Variants in TMEM132D observed in about 807,000 individuals in gnomAD.
TMEM132D encodes transmembrane protein 132D, also known as mature OL transmembrane protein.
A neutral mutation model predicts 62.3 loss-of-function variants in TMEM132D; 21 were observed. The ratio of observed to expected loss-of-function variants is 0.34; its 90% CI spans 0.24 to 0.49. The LOEUF (loss-of-function observed/expected upper bound fraction) is 0.49. Ranked by LOEUF, TMEM132D falls within the 20% of genes least tolerant of loss-of-function variation. The pLI, the probability that TMEM132D is intolerant of heterozygous loss-of-function variation, is 0.99. For synonymous variants in TMEM132D, 621 were observed against 575.6 expected, an observed-to-expected ratio of 1.08 and a Z score of -1.13; for missense variants, 1,346 against 1,402.8, an observed-to-expected ratio of 0.96 and a Z score of 0.65.
Position 129,595,777 on chromosome 12 carries a change from G to A in TMEM132D, c.969-64572C>T, listed in dbSNP as rs922817386. Among the ~76,000 whole-genome samples, 12 of 152,214 alleles carry A rather than the reference G, an allele frequency of 7.9e-5. 1 individual carries two copies. In the South Asian group the frequency reaches 8.3e-4, roughly 11 times the overall value. The stretch of plus-strand genomic sequence containing the variant: ...AGCTGACCGACTGCAGATATGGGAC[G>A]GAGCCCAGGCAGGGCCAGAAGAGCC... On this transcript the variant is annotated intron_variant, in intron 2 of 8. Transcript: ENST00000422113.
chr12:129,482,478 T>C (rs1295124917), intron 3 of TMEM132D, among the ~76,000 whole-genome samples: 2 of 152,190 alleles, frequency 1.3e-5, no homozygotes, highest in African/African-American at 4.8e-5. Context: ...GGAAAATAAA[T>C]GTTTGTAGAA....
In TMEM132D at chr12:129,827,028, T is replaced by C. The variant is rs1343571450; in HGVS notation, c.79+76233A>G. 6.6e-6 allele frequency among the ~76,000 whole-genome samples: 1 copy of C among 152,206 alleles called. No individual in the cohort carries two copies. The highest frequency in any genetic ancestry group is 1.5e-5 in the Non-Finnish European group (1 of 68,026). ...CTGTGCTAATAACTATTCTAAAAAT[T>C]ACACCATAATGAAATATGCAAAATA... On this transcript the variant is annotated intron_variant, in intron 1 of 8. Coordinates refer to ENST00000422113, the MANE Select transcript of TMEM132D (RefSeq NM_133448.3). This position sits in a 1 kb window ranked among gnomAD's most constrained non-coding sequence, Gnocchi z 9.7.
At chr12:129,893,121 T>TGCCTC (rs1271730420) in intron 1 of TMEM132D, among the ~76,000 whole-genome samples, 3 of 152,096 alleles carry the variant, frequency 2.0e-5, no homozygotes, top group Non-Finnish European at 4.4e-5. Context: ...GTGATCCGCC[T>TGCCTC]GCCTCGGCCT....
chr12:129,727,962 G>A (rs965413380), intron 1 of TMEM132D, among the ~76,000 whole-genome samples: 12 of 152,166 alleles, frequency 7.9e-5, no homozygotes, highest in African/African-American at 2.7e-4. Context: ...TTTCAATCAG[G>A]AAATTACGTT....
chr12:129,248,272 T>C (rs971153029), intron 4 of TMEM132D, among the ~76,000 whole-genome samples: 3 of 152,312 alleles, frequency 2.0e-5, no homozygotes, highest in South Asian at 4.1e-4. Context: ...GATAATAAAC[T>C]CAATATGATC....
chr12:129,221,614 G>C (rs57227338), intron 4 of TMEM132D, among the ~76,000 whole-genome samples: 7,229 of 152,214 alleles, frequency 0.047, 428 homozygotes, highest in East Asian at 0.19. Context: ...TCCAGCCTAA[G>C]TTAGTATGAA....
intron 5 of TMEM132D, among the ~76,000 whole-genome samples, chr12:129,146,952 G>A (rs1876917385): frequency 6.6e-6 from 1 of 152,036 alleles, no homozygotes; most frequent in Admixed American, 6.6e-5. Context: ...GTGAACGCGT[G>A]GGCATTGCAA....
chr12:129,725,125 G>A (rs1054567609), intron 1 of TMEM132D, among the ~76,000 whole-genome samples: 5 of 152,178 alleles, frequency 3.3e-5, no homozygotes, highest in African/African-American at 1.2e-4. Flanking sequence ...GTCCCTGAAT[G>A]TTTCTGTGGA....
intron 4 of TMEM132D, among the ~76,000 whole-genome samples, chr12:129,266,828 C>T (rs1413910688): frequency 6.6e-6 from 1 of 152,154 alleles, no homozygotes; most frequent in Admixed American, 6.5e-5. Flanking sequence ...TCTGTCTCTG[C>T]TATCACCACC....
intron 5 of TMEM132D, among the ~76,000 whole-genome samples, chr12:129,207,300 G>A (rs548557522): frequency 9.9e-5 from 15 of 152,054 alleles, no homozygotes; most frequent in South Asian, 2.1e-4. Flanking sequence ...ACAGTCAGAC[G>A]ATGAATACAG....
chr12:129,521,075 G>C (rs956323549), intron 3 of TMEM132D, among the ~76,000 whole-genome samples: 3 of 152,186 alleles, frequency 2.0e-5, no homozygotes, highest in Non-Finnish European at 4.4e-5. Flanking sequence ...CCCAGTTGAT[G>C]TCTCTTGTAG....
At chr12:129,503,040 T>C (rs182182664) in intron 3 of TMEM132D, among the ~76,000 whole-genome samples, 222 of 152,312 alleles carry the variant, frequency 1.5e-3, no homozygotes, top group Non-Finnish European at 2.4e-3. Context: ...AGGTGTCCAA[T>C]AAATATTTAA....
At chr12:129,458,050 T>C (rs980169635) in intron 3 of TMEM132D, among the ~76,000 whole-genome samples, 2 of 152,184 alleles carry the variant, frequency 1.3e-5, no homozygotes, top group South Asian at 4.1e-4. Flanking sequence ...CCAGCTCTGA[T>C]GAGCCTCTGA....
At chr12:129,624,521 C>A (rs1186960481) in intron 2 of TMEM132D, among the ~76,000 whole-genome samples, 1 of 152,232 alleles carries the variant, frequency 6.6e-6, no homozygotes, top group Non-Finnish European at 1.5e-5. Context: ...CAGAGCTCAG[C>A]TGGACCAGCA....
At chr12:129,408,453 T>A (rs1452449960) in intron 3 of TMEM132D, among the ~76,000 whole-genome samples, 1 of 151,602 alleles carries the variant, frequency 6.6e-6, no homozygotes, top group Non-Finnish European at 1.5e-5. Flanking sequence ...TTTTTTTTTT[T>A]ATCATTTCAG....
intron 4 of TMEM132D, among the ~76,000 whole-genome samples, chr12:129,244,385 C>CA (rs751155633): frequency 1.3e-3 from 109 of 85,182 alleles, no homozygotes; most frequent in East Asian, 2.2e-3. Flanking sequence ...GACTCTGTCT[C>CA]AAAAAAAAAA....
At chr12:129,801,004 T>C (rs1871757680) in intron 1 of TMEM132D, among the ~76,000 whole-genome samples, 1 of 151,246 alleles carries the variant, frequency 6.6e-6, no homozygotes, top group Non-Finnish European at 1.5e-5. Flanking sequence ...TGCGCTTTTC[T>C]GACGGGCTTA....
At chr12:129,410,331 T>C (rs4623972) in intron 3 of TMEM132D, among the ~76,000 whole-genome samples, 103,802 of 151,888 alleles carry the variant, frequency 0.68, 36,092 homozygotes, top group East Asian at 0.89. Flanking sequence ...GACTGGGTAA[T>C]TTAAAAAGAA....
chr12:129,807,807 C>A (rs755585766), intron 1 of TMEM132D, among the ~76,000 whole-genome samples: 1 of 152,116 alleles, frequency 6.6e-6, no homozygotes, highest in Non-Finnish European at 1.5e-5. Flanking sequence ...CCATTCACGT[C>A]CAGCCACCCT....
Sources: allele counts gnomAD v4.1 joint callset (sites outside exome capture counted in the v4.1 genomes callset), GRCh38; gene constraint gnomAD v4.1.1; non-coding constraint Gnocchi (gnomAD v3.1); transcripts MANE v1.5; gene names NCBI Gene and HGNC (gene_info 2026-07-23, HGNC 2026-07-21).